Variants in SLC26A7 observed in about 807,000 individuals in gnomAD.
SLC26A7 encodes solute carrier family 26 member 7, also known as anion exchange transporter.
In SLC26A7, 59 loss-of-function variants were observed where a neutral mutation model predicts 82.5. The observed-to-expected ratio is 0.72, with a 90% CI of 0.58 to 0.89. The LOEUF (loss-of-function observed/expected upper bound fraction) is 0.89, where lower values mean the gene tolerates loss of function less well. Among genes scored for constraint, SLC26A7 ranks in the 40% least tolerant of loss-of-function variants. The pLI is 0.00. For missense variants in SLC26A7, 820 were observed against 793.0 expected (o/e 1.03, Z -0.41); for synonymous variants, 271 against 274.3 (o/e 0.99, Z 0.12).
chr8:91,376,372 A>C (rs555443425), intron 15 of SLC26A7, among the ~76,000 whole-genome samples: 116 of 152,142 alleles, frequency 7.6e-4, no homozygotes, highest in African/African-American at 2.5e-3. Flanking sequence ...AATTTTATAT[A>C]ATTTGGATGG....
At chr8:91,253,746 A>G (rs1810722799) in intron 2 of SLC26A7, among the ~76,000 whole-genome samples, 1 of 152,082 alleles carries the variant, frequency 6.6e-6, no homozygotes, top group South Asian at 2.1e-4. Context: ...TCTCTTTGAT[A>G]GGCCTTAACA....
At chr8:91,229,643 C>A (rs976428434) in intron 2 of SLC26A7, among the ~76,000 whole-genome samples, 1 of 152,090 alleles carries the variant, frequency 6.6e-6, no homozygotes, top group Non-Finnish European at 1.5e-5. Context: ...AAATACTTAT[C>A]TTTTTATCTT....
chr8:91,254,249 C>T (rs1022407084), intron 2 of SLC26A7, among the ~76,000 whole-genome samples: 9 of 152,236 alleles, frequency 5.9e-5, no homozygotes, highest in Middle Eastern at 3.4e-3. Context: ...CATCTCCATG[C>T]GGCAAAATCT....
intron 6 of SLC26A7, among the ~76,000 whole-genome samples, chr8:91,335,049 C>G (rs1279253683): frequency 6.6e-6 from 1 of 152,100 alleles, no homozygotes; most frequent in Non-Finnish European, 1.5e-5. Flanking sequence ...TCAAGAACCT[C>G]TAATAGGAAC....
chr8:91,350,722 A>G (rs923325701), intron 9 of SLC26A7, among the ~76,000 whole-genome samples: 3 of 152,064 alleles, frequency 2.0e-5, no homozygotes, highest in Non-Finnish European at 2.9e-5. Context: ...TTTATTCACC[A>G]ATTAGTTGAT....
Position 91,393,822 on chromosome 8 carries a change from G to A in SLC26A7, c.1802G>A (p.Ser601Asn). ...VEVYMDCKGR[S>N]VDVLLAHCTA... The stretch of plus-strand genomic sequence containing the variant: ...GTTTACATGGACTGTAAAGGCAGGA[G>A]TGTGGATGTATTGTTAGCCCATTGT... Residue 601 changes from serine (S) to asparagine (N), a missense_variant, in exon 17 of 19, where the codon AGT (serine) becomes AAT (asparagine). Transcript: ENST00000276609. 1 of 1,613,724 alleles carries A rather than the reference G, an allele frequency of 6.2e-7. No homozygotes were observed. Among genetic ancestry groups the A allele is most frequent in the Non-Finnish European group, 8.5e-7 (1 of 1,179,642 alleles).
At chr8:91,330,745 G>A (rs1233377746) in intron 5 of SLC26A7, among the ~76,000 whole-genome samples, 1 of 152,108 alleles carries the variant, frequency 6.6e-6, no homozygotes, top group East Asian at 1.9e-4. Context: ...ATTTTCATAA[G>A]AGAAAACATG....
At chr8:91,348,342 A>G in intron 9 of SLC26A7, 1 of 985,356 alleles carries the variant, frequency 1.0e-6, no homozygotes, top group Non-Finnish European at 1.2e-6. Context: ...GCCTTCTTTG[A>G]CAACTGCTTA....
chr8:91,277,768 T>G (rs1811444201), intron 2 of SLC26A7, among the ~76,000 whole-genome samples: 1 of 152,238 alleles, frequency 6.6e-6, no homozygotes, highest in South Asian at 2.1e-4. Flanking sequence ...AAACTTCACA[T>G]ATTATTAACT....
At chr8:91,393,163 G>A (rs1808456049) in intron 16 of SLC26A7, among the ~76,000 whole-genome samples, 1 of 152,096 alleles carries the variant, frequency 6.6e-6, no homozygotes, top group South Asian at 2.1e-4. Flanking sequence ...TTTTACAGAA[G>A]TTCATAGACT....
intron 2 of SLC26A7, among the ~76,000 whole-genome samples, chr8:91,254,479 C>T (rs891602928): frequency 6.6e-6 from 1 of 152,098 alleles, no homozygotes; most frequent in African/African-American, 2.4e-5. Context: ...GCTTCTTCAC[C>T]TAAGACCACA....
intron 2 of SLC26A7, among the ~76,000 whole-genome samples, chr8:91,283,158 T>C (rs1314991444): frequency 2.0e-5 from 3 of 152,182 alleles, no homozygotes; most frequent in Non-Finnish European, 2.9e-5. Flanking sequence ...TTTTTATCTT[T>C]CCACTCTCCT....
At chr8:91,307,741 TA>T (rs1179749574) in intron 4 of SLC26A7, among the ~76,000 whole-genome samples, 1 of 147,140 alleles carries the variant, frequency 6.8e-6, no homozygotes, top group African/African-American at 2.5e-5. Flanking sequence ...ATGGCACATG[TA>T]TACATATGTA....
chr8:91,349,632 CTA>C (rs1464473335), intron 9 of SLC26A7, among the ~76,000 whole-genome samples: 1 of 152,142 alleles, frequency 6.6e-6, no homozygotes, highest in Non-Finnish European at 1.5e-5. Flanking sequence ...TTCCCTAGCT[CTA>C]TGACCTTGGC....
At chr8:91,370,393 T>C (rs1277726352) in intron 15 of SLC26A7, among the ~76,000 whole-genome samples, 1 of 151,966 alleles carries the variant, frequency 6.6e-6, no homozygotes, top group Non-Finnish European at 1.5e-5. Context: ...TTTCATTTAC[T>C]TAAACATTTG....
chr8:91,297,039 T>TA (rs1812035268), intron 4 of SLC26A7, among the ~76,000 whole-genome samples: 1 of 152,174 alleles, frequency 6.6e-6, no homozygotes, highest in Admixed American at 6.6e-5. Flanking sequence ...TCATTTAAAA[T>TA]AAAAAATCTT....
intron 5 of SLC26A7, among the ~76,000 whole-genome samples, chr8:91,331,607 T>C (rs1358141787): frequency 6.6e-6 from 1 of 152,162 alleles, no homozygotes; most frequent in East Asian, 1.9e-4. Flanking sequence ...AATTGCCACA[T>C]AAAAATTGTA....
At chr8:91,251,684 T>C (rs1810661860) in intron 2 of SLC26A7, among the ~76,000 whole-genome samples, 4 of 151,990 alleles carry the variant, frequency 2.6e-5, no homozygotes, top group Non-Finnish European at 5.9e-5. Flanking sequence ...CCTCTCCATT[T>C]TCCACAGGAG....
chr8:91,239,387 A>ATATATATAT (rs1370145787), intron 2 of SLC26A7, among the ~76,000 whole-genome samples: 19 of 106,524 alleles, frequency 1.8e-4, no homozygotes, highest in African/African-American at 6.2e-4. Context: ...AAAAAAAAAA[A>ATATATATAT]AAAAAAAAAT....
Sources: allele counts gnomAD v4.1 joint callset (sites outside exome capture counted in the v4.1 genomes callset), GRCh38; gene constraint gnomAD v4.1.1; transcripts MANE v1.5; gene names NCBI Gene and HGNC (gene_info 2026-07-23, HGNC 2026-07-21).